Variants in YAF2 observed in about 807,000 individuals in gnomAD.
YAF2 encodes the protein YY1-associated factor 2.
In YAF2, 7 loss-of-function variants were observed where a neutral mutation model predicts 20.1. The observed-to-expected ratio is 0.35, with a 90% CI of 0.20 to 0.65. YAF2 has a LOEUF of 0.65. Ranked by LOEUF, YAF2 falls within the 30% of genes least tolerant of loss-of-function variation. The probability of loss-of-function intolerance (pLI) is 0.69; values close to 1 mark genes in which losing one functional copy is unlikely to be tolerated. For synonymous variants in YAF2, 74 were observed against 76.0 expected, an observed-to-expected ratio of 0.97 and a Z score of 0.14; for missense variants, 151 against 219.2, an observed-to-expected ratio of 0.69 and a Z score of 1.96.
intron 2 of YAF2, among the ~76,000 whole-genome samples, chr12:42,183,840 C>T (rs1398783071): frequency 3.9e-5 from 6 of 152,166 alleles, no homozygotes; most frequent in Non-Finnish European, 7.4e-5. Context: ...GAGCTAGAGA[C>T]GAAAAGTCAA....
chr12:42,196,676 C>T (rs1430362306), intron 2 of YAF2, among the ~76,000 whole-genome samples: 2 of 152,116 alleles, frequency 1.3e-5, no homozygotes, highest in Non-Finnish European at 2.9e-5. Context: ...CTAAATGGTG[C>T]AAACTGTTGC....
At chr12:42,179,964 T>C (rs973108873) in intron 2 of YAF2, among the ~76,000 whole-genome samples, 1 of 152,198 alleles carries the variant, frequency 6.6e-6, no homozygotes, top group African/African-American at 2.4e-5. Context: ...TATTAATTTT[T>C]TCTTTTACAA....
chr12:42,230,541 C>A (rs6582389), intron 2 of YAF2, among the ~76,000 whole-genome samples: 106,042 of 151,960 alleles, frequency 0.7, 38,084 homozygotes, highest in African/African-American at 0.86. Flanking sequence ...TAATGAAGAT[C>A]ATGTTAGTAG....
intron 2 of YAF2, among the ~76,000 whole-genome samples, chr12:42,194,530 G>C (rs1311657593): frequency 6.6e-6 from 1 of 152,146 alleles, no homozygotes; most frequent in Non-Finnish European, 1.5e-5. Flanking sequence ...TGTAATCCCA[G>C]CTACTTAGGA....
intron 2 of YAF2, 37 bp downstream of exon 2, chr12:42,237,562 G>A: frequency 2.0e-6 from 3 of 1,485,838 alleles, no homozygotes; most frequent in Non-Finnish European, 9.0e-7. Context: ...TCGCCACCCC[G>A]CCGGCCGGCG....
chr12:42,179,649 C>A (rs1023429576), intron 2 of YAF2, among the ~76,000 whole-genome samples: 1 of 151,664 alleles, frequency 6.6e-6, no homozygotes, highest in South Asian at 2.1e-4. Context: ...ATGAGCCAGG[C>A]GTGGTGGCAC....
intron 2 of YAF2, among the ~76,000 whole-genome samples, chr12:42,200,991 T>A (rs529353469): frequency 5.5e-4 from 83 of 152,276 alleles, no homozygotes; most frequent in Non-Finnish European, 9.3e-4. Flanking sequence ...CAGTTAAGAT[T>A]CATAAAGGGC....
At chr12:42,188,663 G>A (rs1172813827) in intron 2 of YAF2, among the ~76,000 whole-genome samples, 1 of 151,864 alleles carries the variant, frequency 6.6e-6, no homozygotes, top group Non-Finnish European at 1.5e-5. Flanking sequence ...TGGGATTATA[G>A]GCGTGAGCCA....
intron 2 of YAF2, among the ~76,000 whole-genome samples, chr12:42,227,035 C>T (rs1305892742): frequency 2.1e-4 from 31 of 146,660 alleles, no homozygotes; most frequent in African/African-American, 7.3e-4. Context: ...AGATATGAAG[C>T]GGAGCCGCTG....
At chr12:42,216,130 T>C (rs183354930) in intron 2 of YAF2, among the ~76,000 whole-genome samples, 115 of 152,256 alleles carry the variant, frequency 7.6e-4, no homozygotes, top group African/African-American at 2.7e-3. Flanking sequence ...TACTAGATAA[T>C]TATATCCTTG....
chr12:42,226,019 T>C (rs1182142821), intron 2 of YAF2, among the ~76,000 whole-genome samples: 1 of 152,190 alleles, frequency 6.6e-6, no homozygotes. Context: ...GCATGGAATG[T>C]TTTTCCATTT....
chr12:42,187,553 G>T (rs77447387), intron 2 of YAF2, among the ~76,000 whole-genome samples: 1 of 151,926 alleles, frequency 6.6e-6, no homozygotes, highest in African/African-American at 2.4e-5. Context: ...AGATACAATG[G>T]CATAACGTTT....
intron 2 of YAF2, among the ~76,000 whole-genome samples, chr12:42,197,912 C>T (rs1429805802): frequency 6.6e-6 from 1 of 152,166 alleles, no homozygotes; most frequent in East Asian, 1.9e-4. Flanking sequence ...AAGCAACAGA[C>T]TATCAAAATA....
chr12:42,233,678 A>AT, intron 2 of YAF2: 1 of 757,712 alleles, frequency 1.3e-6, no homozygotes, highest in Non-Finnish European at 1.6e-6. Context: ...CACCCAGCTA[A>AT]TTTTTTTAAT....
chr12:42,198,307 G>C (rs1387226029), intron 2 of YAF2, among the ~76,000 whole-genome samples: 1 of 152,190 alleles, frequency 6.6e-6, no homozygotes, highest in Non-Finnish European at 1.5e-5. Context: ...ATGAAGCCAG[G>C]CACAGTGGCT....
rs1221782724 is a variant in YAF2, at chr12:42,159,656, T to A, written c.*933A>T. ...TTCTGTGCAATAATTCCCATTTCTG[T>A]TTTAATTAGATTCATACTTCTATGG... On this transcript the variant is annotated 3_prime_UTR_variant, in exon 4 of 4. Transcript: ENST00000534854. 2 of 152,206 alleles carry A rather than the reference T, an allele frequency of 1.3e-5. No homozygotes were observed. Among genetic ancestry groups the A allele is most frequent in the Non-Finnish European group, 2.9e-5 (2 of 67,954 alleles). 9.4% of individuals were successfully genotyped at this position (152,206 alleles called of 1,614,324 possible).
intron 2 of YAF2, among the ~76,000 whole-genome samples, chr12:42,204,084 CA>C (rs1007742466): frequency 8.0e-4 from 120 of 150,716 alleles, no homozygotes; most frequent in African/African-American, 2.9e-3. Context: ...ACCAACCAAA[CA>C]AAAAAAAATC....
At chr12:42,169,084 C>T (rs111943700) in intron 2 of YAF2, among the ~76,000 whole-genome samples, 2 of 152,258 alleles carry the variant, frequency 1.3e-5, no homozygotes, top group African/African-American at 4.8e-5. Flanking sequence ...GTCTGCTATT[C>T]TCTCAGTTGT....
intron 2 of YAF2, among the ~76,000 whole-genome samples, chr12:42,184,264 TG>T (rs2066416864): frequency 6.6e-6 from 1 of 152,210 alleles, no homozygotes; most frequent in African/African-American, 2.4e-5. Flanking sequence ...GCATCCATTC[TG>T]CAGCCCCATA....
Sources: gnomAD v4.1 joint callset for allele counts (sites outside exome capture counted in the v4.1 genomes callset) on GRCh38, gnomAD v4.1.1 for gene constraint, MANE v1.5 for transcripts, NCBI Gene and HGNC (gene_info 2026-07-23, HGNC 2026-07-21) for gene names.